The following MCF2L2 variants were observed in gnomAD, a reference collection of about 807,000 sequenced individuals.
MCF2L2 encodes probable guanine nucleotide exchange factor MCF2L2.
Under a neutral mutation model 150.2 loss-of-function variants are expected in MCF2L2, and 102 were observed. That is an observed-to-expected ratio of 0.68 (90% CI 0.58 to 0.80). The LOEUF (loss-of-function observed/expected upper bound fraction) is 0.80, where lower values mean the gene tolerates loss of function less well. MCF2L2 is among the 30% of genes least tolerant of loss of function. The probability of loss-of-function intolerance (pLI) is 0.00; values close to 1 mark genes in which losing one functional copy is unlikely to be tolerated. For missense variants in MCF2L2, 1,256 were observed against 1,372.8 expected (o/e 0.91, Z 1.34); for synonymous variants, 465 against 491.3 (o/e 0.95, Z 0.71).
At chr3:183,234,622 G>A (rs967805244) in intron 15 of MCF2L2, among the ~76,000 whole-genome samples, 2 of 147,828 alleles carry the variant, frequency 1.4e-5, no homozygotes, top group African/African-American at 5.0e-5. Flanking sequence ...TTAGGCCATT[G>A]CTTTTCCTTG....
chr3:183,291,667 G>A (rs1316951634), intron 13 of MCF2L2, among the ~76,000 whole-genome samples: 5 of 152,180 alleles, frequency 3.3e-5, no homozygotes, highest in African/African-American at 1.2e-4. Context: ...AGACAAAAAT[G>A]TTTGAAAATC....
At chr3:183,280,560 T>TA (rs1454152153) in intron 14 of MCF2L2, among the ~76,000 whole-genome samples, 1 of 151,940 alleles carries the variant, frequency 6.6e-6, no homozygotes, top group African/African-American at 2.4e-5. Flanking sequence ...AAAGCAAGGG[T>TA]ATCTGGGCCA....
chr3:183,224,464 C>A, intron 18 of MCF2L2: 1 of 307,178 alleles, frequency 3.3e-6, no homozygotes, highest in Non-Finnish European at 6.1e-6. Context: ...GACTCACAAA[C>A]AGGAATTGGT....
chr3:183,374,049 C>G (rs563706980), intron 3 of MCF2L2: 1 of 152,942 alleles, frequency 6.5e-6, no homozygotes, highest in South Asian at 2.1e-4. Flanking sequence ...CGTTTTGCAC[C>G]TGTCTCAGTG....
intron 5 of MCF2L2, among the ~76,000 whole-genome samples, chr3:183,338,562 T>A (rs977507784): frequency 6.6e-6 from 1 of 152,110 alleles, no homozygotes; most frequent in African/African-American, 2.4e-5. Flanking sequence ...CCTTGTTTCT[T>A]ACTCTTTCCT....
At chr3:183,304,977 T>A (rs957494334) in intron 10 of MCF2L2, among the ~76,000 whole-genome samples, 6 of 152,230 alleles carry the variant, frequency 3.9e-5, no homozygotes, top group African/African-American at 1.4e-4. Context: ...GTAATGTTAA[T>A]AACAACAGCT....
intron 10 of MCF2L2, among the ~76,000 whole-genome samples, chr3:183,306,967 G>C (rs948584867): frequency 3.9e-5 from 6 of 152,200 alleles, no homozygotes; most frequent in African/African-American, 1.4e-4. Context: ...TGCTTTTATA[G>C]AAGACCTTCT....
Position 183,369,933 on chromosome 3 carries a change from C to T in MCF2L2, c.275+9364G>A, listed in dbSNP as rs76619061. 7.5e-3 allele frequency among the ~76,000 whole-genome samples: 1,141 copies of T among 152,312 alleles called. 12 individuals carry two copies. Among genetic ancestry groups the T allele is most frequent in the African/African-American group, 0.026 (1,081 of 41,554 alleles). On this transcript the variant is annotated intron_variant, in intron 3 of 29. Coordinates refer to ENST00000328913, the MANE Select transcript of MCF2L2 (RefSeq NM_015078.4). ...AACATTCACAAATTTTATAGCTAAT[C>T]GCTCACCCACTAACTTCTCCAACTT...
In MCF2L2 at chr3:183,178,226, G is replaced by T. The variant is rs1354519270; in HGVS notation, c.*1154C>A. 1 of 152,214 alleles carries T rather than the reference G, an allele frequency of 6.6e-6. No individual in the cohort carries two copies. Among genetic ancestry groups the T allele is most frequent in the Non-Finnish European group, 1.5e-5 (1 of 68,048 alleles). 9.4% of individuals were successfully genotyped at this position (152,214 alleles called of 1,614,324 possible). A position where few individuals can be genotyped will look rare whatever the true frequency, so the allele number is the denominator to read the frequency against. On this transcript the variant is annotated 3_prime_UTR_variant, in exon 30 of 30. Coordinates refer to ENST00000328913, the MANE Select transcript of MCF2L2 (RefSeq NM_015078.4). ...TCACGCCTGTAATCCCAGCACTTTG[G>T]GAGGCCGAGGCAGGGGGATCACGAG... is the stretch of plus-strand genomic sequence containing the variant.
At chr3:183,208,022 T>C (rs1251927436) in intron 22 of MCF2L2, among the ~76,000 whole-genome samples, 199 bp from the exon 23 acceptor site, 5 of 152,204 alleles carry the variant, frequency 3.3e-5, no homozygotes, top group Non-Finnish European at 5.9e-5. Context: ...TTTAGTTATA[T>C]AAGGAAATCA....
intron 23 of MCF2L2, among the ~76,000 whole-genome samples, chr3:183,206,910 AAAGAAAGGAAGGAAGGAAGGAAGG>A (rs1443450530): frequency 9.0e-5 from 13 of 143,758 alleles, no homozygotes; most frequent in African/African-American, 1.8e-4. Context: ...AGACAGAAAG[AAAGAAAGGAAGGAAGGAAGGAAGG>A]AAGGAAGGAA....
At chr3:183,250,028 C>T (rs1262923122) in intron 15 of MCF2L2, among the ~76,000 whole-genome samples, 6 of 152,092 alleles carry the variant, frequency 3.9e-5, no homozygotes, top group Non-Finnish European at 8.8e-5. Context: ...CAACTTTTTT[C>T]CCCTCCCCAC....
chr3:183,421,677 T>G (rs1479668417), intron 1 of MCF2L2, among the ~76,000 whole-genome samples: 1 of 152,208 alleles, frequency 6.6e-6, no homozygotes, highest in African/African-American at 2.4e-5. Flanking sequence ...TGCTTTTTGT[T>G]TATTTAAGGG....
At position 183,205,950 on chromosome 3, in the gene MCF2L2, G is replaced by T. The variant is rs1441776453; in HGVS notation, c.2810C>A (p.Ala937Asp). 3 of 1,613,378 alleles carry T rather than the reference G, an allele frequency of 1.9e-6. No homozygotes were observed. In the African/African-American group the frequency reaches 4.0e-5, roughly 22 times the overall value. Residue 937 changes from alanine (A) to aspartate (D), a missense_variant, in exon 25 of 30, where the codon GCT becomes GAT. Physicochemically the swap from Ala to Asp is moderately radical, Grantham distance 126. Coordinates refer to ENST00000328913, the MANE Select transcript of MCF2L2 (RefSeq NM_015078.4). ...CCAACAGTCTCTGATTTCTTTTGAA[G>T]CTGCCTGCAATCACACATAAGAAAA... is the stretch of plus-strand genomic sequence containing the variant. ...NGLEKYILQA[A>D]SKEIRDCWFS...
At chr3:183,200,863 CTATT>C (rs925403985) in intron 25 of MCF2L2, among the ~76,000 whole-genome samples, 1 of 152,152 alleles carries the variant, frequency 6.6e-6, no homozygotes, top group Non-Finnish European at 1.5e-5. Flanking sequence ...TTTCCCAGCA[CTATT>C]TATTAAATAG....
chr3:183,295,172 T>A, intron 13 of MCF2L2, 128 bp downstream of exon 13: 2 of 916,924 alleles, frequency 2.2e-6, no homozygotes, highest in East Asian at 2.5e-5. Flanking sequence ...CTATGCTATA[T>A]CTGTAGTTTG....
At position 183,180,165 on chromosome 3, in the gene MCF2L2, G is replaced by A; in HGVS notation, c.3017-6C>T. Reference sequence around the variant, plus strand: ...AAACTCCCTGCTGGAGCAGCCTTAGGGAGAGAAAGGGAAGGATGGGGCCTC... The same window carrying A: ...AAACTCCCTGCTGGAGCAGCCTTAGAGAGAGAAAGGGAAGGATGGGGCCTC... On this transcript the variant is annotated splice_region_variant and splice_polypyrimidine_tract_variant and intron_variant, in intron 27 of 29. Transcript: ENST00000328913. 1 of 1,595,532 alleles carries A rather than the reference G, an allele frequency of 6.3e-7. No individual in the cohort carries two copies. Among genetic ancestry groups the A allele is most frequent in the Non-Finnish European group, 8.6e-7 (1 of 1,163,700 alleles).
At chr3:183,245,343 C>T (rs1724201690) in intron 15 of MCF2L2, among the ~76,000 whole-genome samples, 1 of 152,184 alleles carries the variant, frequency 6.6e-6, no homozygotes, top group Non-Finnish European at 1.5e-5. Context: ...TCCAGGAAGA[C>T]AGGAGTGCCA....
At chr3:183,292,034 T>C (rs1482820115) in intron 13 of MCF2L2, among the ~76,000 whole-genome samples, 1 of 152,080 alleles carries the variant, frequency 6.6e-6, no homozygotes, top group Non-Finnish European at 1.5e-5. Flanking sequence ...CTGTGTATGT[T>C]TGGGTATGTC....
Sources: allele counts gnomAD v4.1 joint callset (sites outside exome capture counted in the v4.1 genomes callset), GRCh38; gene constraint gnomAD v4.1.1; transcripts MANE v1.5; gene names NCBI Gene and HGNC (gene_info 2026-07-23, HGNC 2026-07-21).